PPM1H: variants seen among roughly 807,000 people sequenced by gnomAD.
PPM1H encodes the protein protein phosphatase 1H.
In PPM1H, 27 loss-of-function variants were observed where a neutral mutation model predicts 54.9. The observed-to-expected ratio is 0.49, with a 90% CI of 0.36 to 0.68. The LOEUF (loss-of-function observed/expected upper bound fraction) is 0.68. PPM1H is among the 30% of genes least tolerant of loss of function. The pLI, the probability that PPM1H is intolerant of heterozygous loss-of-function variation, is 0.00. For synonymous variants in PPM1H, 305 were observed against 270.8 expected (o/e 1.13, Z -1.24); for missense variants, 596 against 667.8 (o/e 0.89, Z 1.19).
intron 1 of PPM1H, among the ~76,000 whole-genome samples, chr12:62,929,415 CACCAGAGTTTATTTCTACCAA>C (rs1408216468): frequency 1.3e-5 from 2 of 152,176 alleles, no homozygotes; most frequent in Non-Finnish European, 2.9e-5. Flanking sequence ...ACTATAAAGG[CACCAGAGTTTATTTCTACCAA>C]ACATTGAGAA....
chr12:62,718,196 T>C (rs569499009), intron 6 of PPM1H, among the ~76,000 whole-genome samples: 1 of 152,336 alleles, frequency 6.6e-6, no homozygotes, highest in East Asian at 1.9e-4. Context: ...GCCTACAGAC[T>C]TGTTAAAGAG....
chr12:62,686,176 T>A (rs146630386), intron 8 of PPM1H, among the ~76,000 whole-genome samples: 2 of 152,226 alleles, frequency 1.3e-5, no homozygotes, highest in Admixed American at 1.3e-4. Flanking sequence ...CAGGGACTCT[T>A]CCATGCAGGC....
chr12:62,674,782 T>C lies in PPM1H; in HGVS notation c.1246-7453A>G, dbSNP rs146500706. ...TACACGAAGAGGAAGCTGCAGGGGC[T>C]AAAGCCTGGGGATGTGAGAAAGGGC... On this transcript the variant is annotated intron_variant, in intron 8 of 9. Transcript: ENST00000228705. Among the ~76,000 whole-genome samples the C allele has an allele frequency of 5.9e-5, 9 of 152,366 alleles. No homozygotes were observed. The East Asian group carries it at 1.7e-3, about 29-fold the overall frequency.
chr12:62,764,288 C>T (rs1473345947), intron 4 of PPM1H, among the ~76,000 whole-genome samples: 3 of 152,100 alleles, frequency 2.0e-5, no homozygotes, highest in African/African-American at 7.2e-5. Context: ...CCTATATTGC[C>T]AGGAGGGGGA....
chr12:62,916,835 C>T (rs1871639639), intron 1 of PPM1H, among the ~76,000 whole-genome samples: 1 of 151,896 alleles, frequency 6.6e-6, no homozygotes, highest in South Asian at 2.1e-4. Flanking sequence ...TCATCCTTAG[C>T]CACTTAACCC....
At chr12:62,653,813 G>C (rs1196541563) in intron 9 of PPM1H, among the ~76,000 whole-genome samples, 2 of 152,244 alleles carry the variant, frequency 1.3e-5, no homozygotes, top group Admixed American at 1.3e-4. Flanking sequence ...TAGGCAGTTA[G>C]GTAGACATGA....
chr12:62,648,279 G>A lies in PPM1H; in HGVS notation c.*210C>T. 1.8e-6 allele frequency: 1 copy of A among 566,184 alleles called. No individual in the cohort carries two copies. Among genetic ancestry groups the A allele is most frequent in the East Asian group, 3.1e-5 (1 of 32,732 alleles). The allele number at this position is 566,184 out of a possible 1,614,324, so 35.1% of individuals were successfully genotyped here. A position where few individuals can be genotyped will look rare whatever the true frequency, so the allele number is the denominator to read the frequency against. ...AACAACACTTGGTAGCAGCCTTTGT[G>A]TTTTGCTCTTGTTGAGTTGACCTGT... On this transcript the variant is annotated 3_prime_UTR_variant, in exon 10 of 10. Transcript: ENST00000228705.
chr12:62,695,930 T>C (rs1022227588), intron 6 of PPM1H, among the ~76,000 whole-genome samples: 1 of 152,018 alleles, frequency 6.6e-6, no homozygotes, highest in African/African-American at 2.4e-5. Context: ...GATGCAGCAG[T>C]GGAGACCAGA....
In PPM1H at chr12:62,648,446, C is replaced by G; in HGVS notation, c.*43G>C. The G allele has an allele frequency of 6.2e-7, 1 of 1,607,858 alleles. No homozygotes were observed. Among genetic ancestry groups the G allele is most frequent in the Non-Finnish European group, 8.5e-7 (1 of 1,175,914 alleles). ...CAGTTCCGTCCTGCCAAGAGGCATC[C>G]CAGCTTTCTTCCCCTCTGTCCTCCC... On this transcript the variant is annotated 3_prime_UTR_variant, in exon 10 of 10. Transcript: ENST00000228705.
intron 6 of PPM1H, among the ~76,000 whole-genome samples, chr12:62,712,990 T>C (rs185835597): frequency 6.6e-6 from 1 of 152,298 alleles, no homozygotes; most frequent in East Asian, 1.9e-4. Flanking sequence ...GCTCATCCAC[T>C]TCCTTGTCAG....
At chr12:62,816,995 A>G (rs2641551) in intron 2 of PPM1H, among the ~76,000 whole-genome samples, 1 of 151,394 alleles carries the variant, frequency 6.6e-6, no homozygotes, top group Non-Finnish European at 1.5e-5. Context: ...GGGGCCTTTA[A>G]AGGGATTCTA....
At chr12:62,659,970 G>A (rs1362174817) in intron 9 of PPM1H, among the ~76,000 whole-genome samples, 1 of 152,190 alleles carries the variant, frequency 6.6e-6, no homozygotes, top group Non-Finnish European at 1.5e-5. Flanking sequence ...AAATTAAACA[G>A]GCAAACGTGT....
intron 2 of PPM1H, among the ~76,000 whole-genome samples, chr12:62,815,440 G>A (rs1402811757): frequency 6.6e-6 from 1 of 152,144 alleles, no homozygotes; most frequent in East Asian, 1.9e-4. Flanking sequence ...GAAGTACAAA[G>A]TTTATAACGG....
rs146542310 is a variant in PPM1H at position 62,899,637 on chromosome 12, C to T, written c.245+34855G>A. 1.9e-3 allele frequency among the ~76,000 whole-genome samples: 294 copies of T among 152,268 alleles called. 2 individuals carry two copies. The highest frequency in any genetic ancestry group is 6.5e-3 in the African/African-American group (268 of 41,544). On this transcript the variant is annotated intron_variant, in intron 1 of 9. Transcript: ENST00000228705. Reference sequence around the variant, plus strand: ...GCAGAGAACCGCAGGGACAGGCCAGCTTTGCTGAGACAGATACACAGGCTT... The same window carrying T: ...GCAGAGAACCGCAGGGACAGGCCAGTTTTGCTGAGACAGATACACAGGCTT...
At chr12:62,783,192 C>G (rs1374329412) in intron 4 of PPM1H, among the ~76,000 whole-genome samples, 1 of 152,158 alleles carries the variant, frequency 6.6e-6, no homozygotes, top group Non-Finnish European at 1.5e-5. Context: ...GATGGGAGCT[C>G]TCATGTTGAG....
rs537569394 is a variant in PPM1H, at chr12:62,663,127, A to G, written c.1397+4051T>C. Among the ~76,000 whole-genome samples the G allele has an allele frequency of 6.6e-5, 10 of 152,272 alleles. No individual in the cohort carries two copies. In the South Asian group the frequency reaches 2.1e-3, roughly 32 times the overall value. On this transcript the variant is annotated intron_variant, in intron 9 of 9. Transcript: ENST00000228705. ...TTGTTTACCCGTCCCACCACTGGAC[A>G]CGCAAGTTACTTCCAGTTTCTGTAA...
chr12:62,664,286 A>G (rs1417060552), intron 9 of PPM1H, among the ~76,000 whole-genome samples: 1 of 152,198 alleles, frequency 6.6e-6, no homozygotes, highest in East Asian at 1.9e-4. Context: ...TTAAATTAGA[A>G]AAAAAGGCTA....
At chr12:62,915,098 C>T (rs73318287) in intron 1 of PPM1H, among the ~76,000 whole-genome samples, 114 of 152,312 alleles carry the variant, frequency 7.5e-4, no homozygotes, top group African/African-American at 2.6e-3. Flanking sequence ...CATACAAGGG[C>T]GTTCACAATC....
intron 4 of PPM1H, among the ~76,000 whole-genome samples, chr12:62,775,176 C>A (rs550598745): frequency 1.1e-4 from 16 of 152,288 alleles, no homozygotes; most frequent in Admixed American, 9.2e-4. Flanking sequence ...ATTGCAGGAT[C>A]TAGGTAGTAG....
Sources: allele counts gnomAD v4.1 joint callset (sites outside exome capture counted in the v4.1 genomes callset), GRCh38; gene constraint gnomAD v4.1.1; transcripts MANE v1.5; gene names NCBI Gene and HGNC (gene_info 2026-07-23, HGNC 2026-07-21).